The following POU6F2 variants were observed in gnomAD, a reference collection of about 807,000 sequenced individuals.
POU6F2 encodes the protein POU domain, class 6, transcription factor 2.
In POU6F2, 31 loss-of-function variants were observed where a neutral mutation model predicts 71.3. The observed-to-expected ratio is 0.43, with a 90% confidence interval of 0.33 to 0.59. POU6F2 has a LOEUF of 0.59. Ranked by LOEUF, POU6F2 falls within the 20% of genes least tolerant of loss-of-function variation. POU6F2 has a pLI of 0.04. For synonymous variants in POU6F2, 347 were observed against 355.7 expected, an observed-to-expected ratio of 0.98 and a Z score of 0.27; for missense variants, 783 against 856.8, an observed-to-expected ratio of 0.91 and a Z score of 1.07.
chr7:39,308,360 G>A (rs766103881), intron 4 of POU6F2, among the ~76,000 whole-genome samples: 1 of 152,314 alleles, frequency 6.6e-6, no homozygotes, highest in Non-Finnish European at 1.5e-5. Context: ...ATATCTCAGT[G>A]AAACGTGTGA....
At chr7:39,406,823 A>G in intron 6 of POU6F2, 83 bp downstream of exon 6, 1 of 1,520,796 alleles carries the variant, frequency 6.6e-7, no homozygotes, top group Non-Finnish European at 9.0e-7. Context: ...CATGACAGTG[A>G]TATGTAACCG....
chr7:39,287,392 T>C (rs900982642), intron 4 of POU6F2, among the ~76,000 whole-genome samples: 1 of 152,194 alleles, frequency 6.6e-6, no homozygotes, highest in East Asian at 1.9e-4. Context: ...CCTGCTTTAA[T>C]GCACAACGCC....
chr7:39,380,998 C>T (rs1279620434), intron 5 of POU6F2, among the ~76,000 whole-genome samples: 1 of 152,152 alleles, frequency 6.6e-6, no homozygotes, highest in African/African-American at 2.4e-5. Flanking sequence ...GTGGGGCAGC[C>T]CACAGCATGG....
At chr7:39,201,333 A>G (rs1042216008) in intron 2 of POU6F2, among the ~76,000 whole-genome samples, 5 of 152,226 alleles carry the variant, frequency 3.3e-5, no homozygotes, top group African/African-American at 1.2e-4. Context: ...ACGGCTTTTA[A>G]TATCTAAATT....
In POU6F2 at chr7:39,211,998, C is replaced by CTTT. The variant is rs200072404; in HGVS notation, c.598+4378_598+4379insTTT. Among the ~76,000 whole-genome samples, 499 of 152,302 alleles carry CTTT rather than the reference C, an allele frequency of 3.3e-3. 5 individuals carry two copies. Among genetic ancestry groups the CTTT allele is most frequent in the African/African-American group, 0.012 (488 of 41,566 alleles). On this transcript the variant is annotated intron_variant, in intron 4 of 9. Transcript: ENST00000518318. ...ACTCTCCATTTTTCTCTGTCTCCATCATCTTTATCCTTATCTCCATGTCTG... is the reference window on the plus strand; with the variant it reads ...ACTCTCCATTTTTCTCTGTCTCCATCTTTATCTTTATCCTTATCTCCATGTCTG...
chr7:39,304,820 G>A (rs928119664), intron 4 of POU6F2, among the ~76,000 whole-genome samples: 6 of 152,150 alleles, frequency 3.9e-5, no homozygotes, highest in African/African-American at 7.2e-5. Flanking sequence ...TTAGGTAGTG[G>A]CTCCAAAAGT....
Position 39,040,901 on chromosome 7 carries a change from G to A in POU6F2, c.106-44959G>A, listed in dbSNP as rs545477749. Among the ~76,000 whole-genome samples, 23 of 151,840 alleles carry A rather than the reference G, an allele frequency of 1.5e-4. No homozygotes were observed. The South Asian group carries it at 1.7e-3, about 11-fold the overall frequency. On this transcript the variant is annotated intron_variant, in intron 1 of 9. Coordinates refer to ENST00000518318, the MANE Select transcript of POU6F2 (RefSeq NM_001370959.1). ...AACTCACACAAACGCATACACTTTC[G>A]CATACTTACATACTCAAACACATAC...
intron 1 of POU6F2, among the ~76,000 whole-genome samples, chr7:39,016,089 T>G (rs1375018944): frequency 2.1e-5 from 2 of 94,934 alleles, no homozygotes; most frequent in Admixed American, 1.6e-4. Flanking sequence ...ATTATATCTA[T>G]ATTATACATT....
In POU6F2 at chr7:39,311,285, T is replaced by TA. The variant is rs1167283971; in HGVS notation, c.599-28346dup. ...AAAAAGCAGCCAGGTTCTAAAAAAT[T>TA]AAAAAAAAAAACAAACACCAAGTCA... On this transcript the variant is annotated intron_variant, in intron 4 of 9. Transcript: ENST00000518318. Among the ~76,000 whole-genome samples the TA allele has an allele frequency of 6.5e-3, 913 of 141,092 alleles. 6 individuals carry two copies. Among genetic ancestry groups the TA allele is most frequent in the Middle Eastern group, 0.026 (7 of 272 alleles). 92.6% of individuals were successfully genotyped at this position (141,092 alleles called of 152,430 possible).
intron 1 of POU6F2, among the ~76,000 whole-genome samples, chr7:39,066,336 G>A (rs1457675663): frequency 6.6e-6 from 1 of 151,690 alleles, no homozygotes; most frequent in Non-Finnish European, 1.5e-5. Flanking sequence ...AGACAAGAAT[G>A]CCTTATATCA....
intron 5 of POU6F2, among the ~76,000 whole-genome samples, chr7:39,397,622 A>G (rs1045311713): frequency 6.7e-6 from 1 of 148,188 alleles, no homozygotes; most frequent in Non-Finnish European, 1.5e-5. Context: ...GCTCCCGAGT[A>G]GCTAGGATTA....
Position 39,339,627 on chromosome 7 carries a change from T to G in POU6F2, c.599-15T>G. The stretch of plus-strand genomic sequence containing the variant: ...TCATGTTATCTCACTCCACATTCGC[T>G]TTCTCTCCTTGTAGCTACCTCATCC... On this transcript the variant is annotated splice_polypyrimidine_tract_variant and intron_variant, in intron 4 of 9. Transcript: ENST00000518318. 3 of 1,570,278 alleles carry G rather than the reference T, an allele frequency of 1.9e-6. No individual in the cohort carries two copies. Among genetic ancestry groups the G allele is most frequent in the Non-Finnish European group, 2.6e-6 (3 of 1,164,388 alleles).
chr7:39,260,686 C>T (rs1036599837), intron 4 of POU6F2, among the ~76,000 whole-genome samples: 9 of 151,752 alleles, frequency 5.9e-5, no homozygotes, highest in Non-Finnish European at 1.3e-4. Flanking sequence ...AGATGCCACA[C>T]ATATACCACA....
rs545321277 is a variant in POU6F2, at chr7:39,144,713, C to T, written c.277+58682C>T. On this transcript the variant is annotated intron_variant, in intron 2 of 9. Coordinates refer to ENST00000518318, the MANE Select transcript of POU6F2 (RefSeq NM_001370959.1). ...TCCACGGGAATCATCAACTATCTTTCTAAATGCTTACTTTTTATGTGAAAG... is the reference window on the plus strand; with the variant it reads ...TCCACGGGAATCATCAACTATCTTTTTAAATGCTTACTTTTTATGTGAAAG... Among the ~76,000 whole-genome samples the T allele has an allele frequency of 5.3e-5, 8 of 152,324 alleles. No individual in the cohort carries two copies. In the East Asian group the frequency reaches 1.4e-3, roughly 26 times the overall value.
At chr7:39,013,539 T>G (rs1245610150) in intron 1 of POU6F2, 1 of 153,326 alleles carries the variant, frequency 6.5e-6, no homozygotes, top group African/African-American at 2.4e-5. Flanking sequence ...TATGCGGCCA[T>G]CTTGGCTCCT....
chr7:39,266,879 T>G (rs1784256514), intron 4 of POU6F2, among the ~76,000 whole-genome samples: 1 of 152,162 alleles, frequency 6.6e-6, no homozygotes, highest in African/African-American at 2.4e-5. Context: ...CTAGCTATTT[T>G]GTAATATACA....
chr7:38,987,272 A>G (rs1788486212), intron 1 of POU6F2, among the ~76,000 whole-genome samples: 1 of 152,158 alleles, frequency 6.6e-6, no homozygotes, highest in African/African-American at 2.4e-5. Flanking sequence ...AGTAACAAAG[A>G]GGTAAGAATG....
intron 2 of POU6F2, among the ~76,000 whole-genome samples, chr7:39,088,808 C>G (rs990368128): frequency 6.6e-6 from 1 of 152,156 alleles, no homozygotes; most frequent in African/African-American, 2.4e-5. Context: ...AGCCTCTTCT[C>G]CCATCTGTGT....
At chr7:39,152,398 A>T (rs1792779251) in intron 2 of POU6F2, among the ~76,000 whole-genome samples, 1 of 152,106 alleles carries the variant, frequency 6.6e-6, no homozygotes, top group African/African-American at 2.4e-5. Flanking sequence ...TGGCCACTGG[A>T]GAGAGATACG....
Sources: allele counts gnomAD v4.1 joint callset (sites outside exome capture counted in the v4.1 genomes callset), GRCh38; gene constraint gnomAD v4.1.1; transcripts MANE v1.5; gene names NCBI Gene and HGNC (gene_info 2026-07-23, HGNC 2026-07-21).